Variants in IRAG1 observed in about 807,000 individuals in gnomAD.
IRAG1 encodes IP3R-associated cGMP kinase substrate.
In IRAG1, 62 loss-of-function variants were observed where a neutral mutation model predicts 106.2. The ratio of observed to expected loss-of-function variants is 0.58; its 90% confidence interval spans 0.48 to 0.72. The LOEUF (loss-of-function observed/expected upper bound fraction) is 0.72, where lower values mean the gene tolerates loss of function less well. Ranked by LOEUF, IRAG1 falls within the 30% of genes least tolerant of loss-of-function variation. The pLI, the probability that IRAG1 is intolerant of heterozygous loss-of-function variation, is 0.00. For synonymous variants in IRAG1, 462 were observed against 443.9 expected (o/e 1.04, Z -0.51); for missense variants, 1,064 against 1,140.7 (o/e 0.93, Z 0.97).
chr11:10,658,135 G>T (rs2134978025), intron 1 of IRAG1, among the ~76,000 whole-genome samples: 1 of 152,352 alleles, frequency 6.6e-6, no homozygotes, highest in Non-Finnish European at 1.5e-5. Context: ...TCTGCTGAAA[G>T]TGCTGGGAGG....
At chr11:10,624,263 C>G (rs953020849) in intron 9 of IRAG1, among the ~76,000 whole-genome samples, 9 of 151,702 alleles carry the variant, frequency 5.9e-5, no homozygotes, top group African/African-American at 2.2e-4. Context: ...ACAGCTTTGG[C>G]GATCTCATGG....
At chr11:10,685,190 T>A (rs1391958957) in intron 1 of IRAG1, among the ~76,000 whole-genome samples, 1 of 152,198 alleles carries the variant, frequency 6.6e-6, no homozygotes, top group Non-Finnish European at 1.5e-5. Context: ...ACACCTGTAA[T>A]CCCAGCACTT....
chr11:10,636,166 T>C (rs562218180), intron 2 of IRAG1, among the ~76,000 whole-genome samples: 1 of 152,348 alleles, frequency 6.6e-6, no homozygotes, highest in African/African-American at 2.4e-5. Flanking sequence ...AAAAATAACA[T>C]TGATAAGGTA....
At chr11:10,673,928 TAAG>T (rs1281756216) in intron 1 of IRAG1, among the ~76,000 whole-genome samples, 1 of 151,746 alleles carries the variant, frequency 6.6e-6, no homozygotes, top group Non-Finnish European at 1.5e-5. Context: ...GAGGCAACAA[TAAG>T]AAGACTAAGA....
Position 10,575,604 on chromosome 11 carries a change from GCACA to G in IRAG1, c.*724_*727del, listed in dbSNP as rs1850774174. The stretch of plus-strand genomic sequence containing the variant: ...ATTTATCCAGAGGTACACACCCAGA[GCACA>G]CTTTTGAAGGGTTGTTGGCTCTGTG... On this transcript the variant is annotated 3_prime_UTR_variant, in exon 21 of 21. Coordinates refer to ENST00000423302, the MANE Select transcript of IRAG1 (RefSeq NM_130385.4). 6.6e-6 allele frequency: 1 copy of G among 152,244 alleles called. No homozygotes were observed. The highest frequency in any genetic ancestry group is 1.5e-5 in the Non-Finnish European group (1 of 68,088). 9.4% of individuals were successfully genotyped at this position (152,244 alleles called of 1,614,324 possible).
At chr11:10,681,985 T>C (rs533768937) in intron 1 of IRAG1, among the ~76,000 whole-genome samples, 41 of 152,318 alleles carry the variant, frequency 2.7e-4, no homozygotes, top group African/African-American at 9.6e-4. Flanking sequence ...TATCTGTTGA[T>C]GGGCTGCATG....
rs1331119430 is a variant in IRAG1, at chr11:10,632,041, C to G, written c.350G>C (p.Arg117Thr). The change falls in exon 4 of 21, where the codon AGG (arginine) becomes ACG (threonine). Residue 117 changes from arginine (R) to threonine (T), a missense_variant. Transcript: ENST00000423302. ...CACCTTCAAGTGTCGGTGAGAAAGC[C>G]TCTTGTGGGGACTGTGAACTCTGAA... ...LANRVHSPHK[R>T]LSHRHLKVST... 5 of 1,613,752 alleles carry G rather than the reference C, an allele frequency of 3.1e-6. No homozygotes were observed. The Admixed American group carries it at 6.7e-5, about 22-fold the overall frequency.
At chr11:10,651,317 A>T (rs1858482244) in intron 2 of IRAG1, among the ~76,000 whole-genome samples, 1 of 152,270 alleles carries the variant, frequency 6.6e-6, no homozygotes, top group Non-Finnish European at 1.5e-5. Flanking sequence ...GCCCTTAAGT[A>T]TTAAACAGAC....
At chr11:10,577,075 G>T (rs1189390703) in intron 20 of IRAG1, among the ~76,000 whole-genome samples, 1 of 152,166 alleles carries the variant, frequency 6.6e-6, no homozygotes, top group Non-Finnish European at 1.5e-5. Context: ...ACTGTGTCCA[G>T]AGTAGAAGGA....
At chr11:10,678,779 G>C (rs1046734418) in intron 1 of IRAG1, among the ~76,000 whole-genome samples, 1 of 152,128 alleles carries the variant, frequency 6.6e-6, no homozygotes, top group Non-Finnish European at 1.5e-5. Flanking sequence ...ATTTGTAATC[G>C]AAGCTTTTTC....
intron 7 of IRAG1, 82 bp downstream of exon 7, chr11:10,627,891 C>T (rs973469909): frequency 6.4e-7 from 1 of 1,572,748 alleles, no homozygotes; most frequent in East Asian, 2.3e-5. Context: ...TCCAGTGGGT[C>T]ACGAAGGGCC....
chr11:10,583,646 G>A (rs1397686737), intron 18 of IRAG1, among the ~76,000 whole-genome samples: 1 of 152,176 alleles, frequency 6.6e-6, no homozygotes. Flanking sequence ...GCTGAAGTAG[G>A]TCAAGGGAGG....
intron 3 of IRAG1, among the ~76,000 whole-genome samples, chr11:10,633,168 G>A (rs182368244): frequency 0.024 from 3,638 of 149,754 alleles, 158 homozygotes; most frequent in African/African-American, 0.085. Flanking sequence ...TCCGCCTCCC[G>A]GGTTCACGCC....
chr11:10,615,794 G>A (rs1029732788), intron 10 of IRAG1, among the ~76,000 whole-genome samples: 1 of 151,848 alleles, frequency 6.6e-6, no homozygotes, highest in African/African-American at 2.4e-5. Context: ...GGGTCCGGGG[G>A]ATGGGGGAGG....
intron 1 of IRAG1, among the ~76,000 whole-genome samples, chr11:10,674,404 T>C (rs926470622): frequency 6.6e-6 from 1 of 152,020 alleles, no homozygotes; most frequent in African/African-American, 2.4e-5. Flanking sequence ...CAAATGGGGG[T>C]GACACCTTTC....
intron 1 of IRAG1, among the ~76,000 whole-genome samples, chr11:10,671,398 A>C (rs1476741168): frequency 1.3e-5 from 2 of 152,246 alleles, no homozygotes; most frequent in Non-Finnish European, 2.9e-5. Flanking sequence ...TAGCATCAAA[A>C]GCATAAATAC....
intron 10 of IRAG1, among the ~76,000 whole-genome samples, chr11:10,617,556 G>A (rs1197522976): frequency 2.0e-5 from 3 of 152,212 alleles, no homozygotes; most frequent in African/African-American, 7.2e-5. Flanking sequence ...CTGAGTTAAA[G>A]TGATTTACTA....
intron 20 of IRAG1, among the ~76,000 whole-genome samples, chr11:10,577,776 C>T (rs1850975200): frequency 6.6e-6 from 1 of 152,204 alleles, no homozygotes; most frequent in African/African-American, 2.4e-5. Flanking sequence ...GCCTTGGATG[C>T]TAGGGCCACA....
chr11:10,580,235 A>T (rs1851253343), intron 20 of IRAG1, among the ~76,000 whole-genome samples: 1 of 152,110 alleles, frequency 6.6e-6, no homozygotes, highest in African/African-American at 2.4e-5. Context: ...TGACCTCTCA[A>T]GCTCTTGCAA....
Sources: allele counts gnomAD v4.1 joint callset (sites outside exome capture counted in the v4.1 genomes callset), GRCh38; gene constraint gnomAD v4.1.1; transcripts MANE v1.5; gene names NCBI Gene and HGNC (gene_info 2026-07-23, HGNC 2026-07-21).